GALNT14: variants seen among roughly 807,000 people sequenced by gnomAD.
GALNT14 encodes polypeptide N-acetylgalactosaminyltransferase 14.
GALNT14 carries 60 observed loss-of-function variants against 77.5 expected under a neutral mutation model. The ratio of observed to expected loss-of-function variants is 0.77; its 90% CI spans 0.63 to 0.96. The LOEUF is 0.96. GALNT14 is among the 40% of genes least tolerant of loss of function. The pLI is 0.00. For synonymous variants in GALNT14, 280 were observed against 281.7 expected (o/e 0.99, Z 0.06); for missense variants, 710 against 731.0 (o/e 0.97, Z 0.33).
intron 2 of GALNT14, among the ~76,000 whole-genome samples, chr2:30,972,488 A>G (rs1558455684): frequency 6.6e-6 from 1 of 152,192 alleles, no homozygotes; most frequent in Non-Finnish European, 1.5e-5. Context: ...CACGCAGAGC[A>G]CCTCACATAT....
At chr2:30,930,775 A>C (rs995770602) in intron 10 of GALNT14, among the ~76,000 whole-genome samples, 2 of 152,262 alleles carry the variant, frequency 1.3e-5, no homozygotes, top group African/African-American at 2.4e-5. Context: ...TTGGTGGGGC[A>C]CTGGAGGCAG....
intron 1 of GALNT14, among the ~76,000 whole-genome samples, chr2:31,028,034 C>T (rs1672179237): frequency 6.6e-6 from 1 of 152,090 alleles, no homozygotes; most frequent in Admixed American, 6.6e-5. Flanking sequence ...GTGTATAACG[C>T]ATGCAAGTGT....
chr2:30,919,986 T>C (rs17010471), intron 13 of GALNT14, among the ~76,000 whole-genome samples: 56,539 of 152,026 alleles, frequency 0.37, 10,605 homozygotes, highest in East Asian at 0.42. Context: ...GATTGTCCTT[T>C]GAAACTGGCC....
chr2:30,995,201 C>T (rs1669956651), intron 1 of GALNT14, among the ~76,000 whole-genome samples: 1 of 150,076 alleles, frequency 6.7e-6, no homozygotes, highest in Admixed American at 6.7e-5. Context: ...TATACAGCCA[C>T]ATATGCATAA....
intron 2 of GALNT14, among the ~76,000 whole-genome samples, chr2:30,990,732 T>A (rs2241425): frequency 0.31 from 47,616 of 152,100 alleles, 8,048 homozygotes; most frequent in African/African-American, 0.42. Context: ...TGACCTTTCC[T>A]TTTCATGCAC....
chr2:31,066,701 C>T (rs972747819), intron 1 of GALNT14, among the ~76,000 whole-genome samples: 1 of 152,098 alleles, frequency 6.6e-6, no homozygotes, highest in African/African-American at 2.4e-5. Context: ...CAGGGCTCAG[C>T]TGCAGGTGCA....
chr2:30,991,717 T>C (rs149505256), intron 2 of GALNT14, among the ~76,000 whole-genome samples: 2 of 152,304 alleles, frequency 1.3e-5, no homozygotes, highest in East Asian at 1.9e-4. Flanking sequence ...ATGATGGGGA[T>C]TAACAAGGAC....
intron 1 of GALNT14, among the ~76,000 whole-genome samples, chr2:31,125,629 T>C (rs900155923): frequency 6.6e-6 from 1 of 152,232 alleles, no homozygotes; most frequent in African/African-American, 2.4e-5. Flanking sequence ...GTGTAAAACG[T>C]AGAAAATATC....
chr2:30,993,957 G>A (rs549405460), intron 1 of GALNT14, among the ~76,000 whole-genome samples: 1 of 152,326 alleles, frequency 6.6e-6, no homozygotes, highest in African/African-American at 2.4e-5. Flanking sequence ...TAGCTAGCAG[G>A]AGGTGTGGAC....
intron 1 of GALNT14, among the ~76,000 whole-genome samples, chr2:31,023,160 CAAAAA>C (rs1237505396): frequency 5.5e-4 from 69 of 126,326 alleles, no homozygotes; most frequent in African/African-American, 1.6e-3. Context: ...AAAACAAAAA[CAAAAA>C]CAAAAACAAA....
At chr2:31,005,453 C>A (rs1670614561) in intron 1 of GALNT14, among the ~76,000 whole-genome samples, 1 of 152,216 alleles carries the variant, frequency 6.6e-6, no homozygotes, top group Non-Finnish European at 1.5e-5. Flanking sequence ...CACCCTCACC[C>A]AGCTTCATAG....
At chr2:31,083,599 C>T (rs1389986183) in intron 1 of GALNT14, among the ~76,000 whole-genome samples, 1 of 152,164 alleles carries the variant, frequency 6.6e-6, no homozygotes, top group Non-Finnish European at 1.5e-5. Flanking sequence ...TGCCCCACTG[C>T]GTGAGTCTGG....
At chr2:31,043,600 G>A (rs570849823) in intron 1 of GALNT14, among the ~76,000 whole-genome samples, 33 of 152,190 alleles carry the variant, frequency 2.2e-4, no homozygotes, top group African/African-American at 7.5e-4. Flanking sequence ...TGGGGCTCCA[G>A]ACAAGATATT....
intron 2 of GALNT14, among the ~76,000 whole-genome samples, chr2:30,967,226 A>T (rs1198696139): frequency 1.3e-5 from 2 of 152,126 alleles, no homozygotes; most frequent in Non-Finnish European, 2.9e-5. Flanking sequence ...ACTTCAAGGG[A>T]CACGTGAGCC....
intron 1 of GALNT14, among the ~76,000 whole-genome samples, chr2:31,017,021 T>C (rs1208249390): frequency 6.6e-6 from 1 of 152,206 alleles, no homozygotes; most frequent in Admixed American, 6.5e-5. Flanking sequence ...GCAAATAATG[T>C]GATGATCACT....
intron 1 of GALNT14, among the ~76,000 whole-genome samples, chr2:31,082,032 C>T (rs1676180478): frequency 6.6e-6 from 1 of 152,208 alleles, no homozygotes; most frequent in Non-Finnish European, 1.5e-5. Flanking sequence ...GTCACATCAA[C>T]AGGGCAGGGA....
In GALNT14 at chr2:31,074,227, A is replaced by G. The variant is rs529788055; in HGVS notation, c.129+63731T>C. Among the ~76,000 whole-genome samples the G allele has an allele frequency of 3.9e-5, 6 of 152,270 alleles. No individual in the cohort carries two copies. In the East Asian group the frequency reaches 1.2e-3, roughly 29 times the overall value. ...AGCAAAGCACACGGCCTGCAGAGTC[A>G]GCCCTGATGGGTCCCACTCTGAGCT... is the stretch of plus-strand genomic sequence containing the variant. On this transcript the variant is annotated intron_variant, in intron 1 of 14. Coordinates refer to ENST00000349752, the MANE Select transcript of GALNT14 (RefSeq NM_024572.4).
intron 1 of GALNT14, among the ~76,000 whole-genome samples, chr2:31,057,198 G>T (rs1437151798): frequency 6.7e-6 from 1 of 148,794 alleles, no homozygotes; most frequent in Non-Finnish European, 1.5e-5. Context: ...CATTACCTGG[G>T]TGATGGAATC....
chr2:31,084,328 G>A (rs1676305957), intron 1 of GALNT14, among the ~76,000 whole-genome samples: 1 of 152,292 alleles, frequency 6.6e-6, no homozygotes, highest in East Asian at 1.9e-4. Context: ...AGGTAATGCT[G>A]GAATCTTGAA....
Sources: allele counts gnomAD v4.1 joint callset (sites outside exome capture counted in the v4.1 genomes callset), GRCh38; gene constraint gnomAD v4.1.1; transcripts MANE v1.5; gene names NCBI Gene and HGNC (gene_info 2026-07-23, HGNC 2026-07-21).